Variants in UBE2V2 observed in about 807,000 individuals in gnomAD.
UBE2V2 encodes the protein ubiquitin-conjugating enzyme E2 variant 2.
A neutral mutation model predicts 17.2 loss-of-function variants in UBE2V2; 9 were observed. That is an observed-to-expected ratio of 0.52 (90% CI 0.32 to 0.91). The LOEUF is 0.91. UBE2V2 is among the 40% of genes least tolerant of loss of function. UBE2V2 has a pLI of 0.04. For missense variants in UBE2V2, 133 were observed against 182.6 expected (o/e 0.73, Z 1.56); for synonymous variants, 61 against 57.5 (o/e 1.06, Z -0.28).
At chr8:48,034,936 C>T in intron 1 of UBE2V2, 1 of 834,224 alleles carries the variant, frequency 1.2e-6, no homozygotes, top group Non-Finnish European at 1.4e-6. Context: ...CTCCCCCTCC[C>T]TGCAGCCTCT....
At chr8:48,008,923 A>G (rs1030064229) in intron 1 of UBE2V2, among the ~76,000 whole-genome samples, 1 of 152,122 alleles carries the variant, frequency 6.6e-6, no homozygotes, top group East Asian at 1.9e-4. Context: ...TCTCCTTGAC[A>G]TGGGTTGGGG....
At chr8:47,998,206 CA>C in the UBE2V2 span, among the ~76,000 whole-genome samples, 1 of 151,924 alleles carries the variant, frequency 6.6e-6, no homozygotes, top group African/African-American at 2.4e-5. Flanking sequence ...CCTTTTAGGG[CA>C]GATTTCTGAA....
At chr8:47,999,055 T>C in the UBE2V2 span, among the ~76,000 whole-genome samples, 1 of 152,068 alleles carries the variant, frequency 6.6e-6, no homozygotes, top group Non-Finnish European at 1.5e-5. Context: ...GTCTGAGTGG[T>C]TTGTAATTGG....
upstream of UBE2V2, chr8:48,008,298 C>G (rs886288783): frequency 8.6e-6 from 8 of 933,902 alleles, no homozygotes; most frequent in African/African-American, 5.3e-5. Context: ...AGCGAGGCCC[C>G]GCGACCCCTC....
Position 48,043,453 on chromosome 8 carries a change from T to C in UBE2V2, c.165+272T>C, listed in dbSNP as rs550902649. On this transcript the variant is annotated intron_variant, in intron 2 of 3. Transcript: ENST00000523111. ...CAGTACAAATGACAGATTCTAAATA[T>C]GACAGAGCAAGTTCACTACGGGACT... The C allele has an allele frequency of 2.5e-4, 60 of 236,332 alleles. 2 individuals are homozygous for C. In the South Asian group the frequency reaches 7.7e-3, roughly 30 times the overall value. 14.6% of individuals were successfully genotyped at this position (236,332 alleles called of 1,614,324 possible).
chr8:48,018,878 C>T (rs777764152), intron 1 of UBE2V2, among the ~76,000 whole-genome samples: 1 of 152,086 alleles, frequency 6.6e-6, no homozygotes, highest in South Asian at 2.1e-4. Context: ...AAATTGACCC[C>T]TTTGTTATTA....
In UBE2V2 at chr8:48,062,366, C is replaced by G. The variant is rs1468389635; in HGVS notation, c.*1538C>G. 3.3e-5 allele frequency: 5 copies of G among 152,014 alleles called. No individual in the cohort carries two copies. The highest frequency in any genetic ancestry group is 7.4e-5 in the Non-Finnish European group (5 of 68,024). 9.4% of individuals were successfully genotyped at this position (152,014 alleles called of 1,614,324 possible). On this transcript the variant is annotated 3_prime_UTR_variant, in exon 4 of 4. Transcript: ENST00000523111. ...CAGCACTTTGGGAGGCTGAGACGGG[C>G]AGATCACTTGAGGTCAGGAGCTTGA...
At chr8:48,032,046 T>C (rs1034274323) in intron 1 of UBE2V2, among the ~76,000 whole-genome samples, 1 of 152,202 alleles carries the variant, frequency 6.6e-6, no homozygotes, top group Non-Finnish European at 1.5e-5. Flanking sequence ...AGTGTTTAAA[T>C]TTTTTAAAAT....
chr8:48,025,687 C>T (rs1251075161), intron 1 of UBE2V2, among the ~76,000 whole-genome samples: 6 of 151,842 alleles, frequency 4.0e-5, no homozygotes, highest in Admixed American at 3.3e-4. Context: ...GCAAGCTCCG[C>T]CTCCTGGGTT....
intron 1 of UBE2V2, chr8:48,041,722 A>G (rs1043641184): frequency 3.9e-5 from 6 of 152,196 alleles, no homozygotes; most frequent in Admixed American, 6.5e-5. Flanking sequence ...GAAATCAAGT[A>G]CAAATTTTGA....
intron 1 of UBE2V2, 72 bp from the exon 2 acceptor site, chr8:48,042,961 A>T: frequency 7.6e-7 from 1 of 1,317,956 alleles, no homozygotes. Flanking sequence ...ATTTGGAAAA[A>T]GCTGAATTTA....
intron 3 of UBE2V2, among the ~76,000 whole-genome samples, chr8:48,052,793 G>A (rs1304421653): frequency 6.6e-6 from 1 of 152,218 alleles, no homozygotes; most frequent in African/African-American, 2.4e-5. Context: ...AGTGCTCAAG[G>A]TGCACACTGG....
chr8:48,020,046 CTT>C (rs777644132), intron 1 of UBE2V2, among the ~76,000 whole-genome samples: 64 of 142,290 alleles, frequency 4.5e-4, no homozygotes, highest in Non-Finnish European at 4.2e-4. Flanking sequence ...CTCTGTCTCT[CTT>C]TTTTTTTTTT....
chr8:48,049,769 C>A, intron 2 of UBE2V2, 84 bp from the exon 3 acceptor site: 1 of 1,258,084 alleles, frequency 7.9e-7, no homozygotes, highest in Non-Finnish European at 1.1e-6. Context: ...TCATATTGTA[C>A]TTTCCCTTTT....
At chr8:48,027,009 G>A (rs1433660299) in intron 1 of UBE2V2, among the ~76,000 whole-genome samples, 1 of 152,092 alleles carries the variant, frequency 6.6e-6, no homozygotes, top group Non-Finnish European at 1.5e-5. Context: ...TTTCGAGACG[G>A]AGTCTCGCTC....
chr8:48,049,276 T>G (rs1359055801), intron 2 of UBE2V2, among the ~76,000 whole-genome samples: 1 of 152,152 alleles, frequency 6.6e-6, no homozygotes, highest in Non-Finnish European at 1.5e-5. Flanking sequence ...TAGTATAATA[T>G]GGGGTTTTCT....
chr8:48,024,832 C>T (rs996821209), intron 1 of UBE2V2, among the ~76,000 whole-genome samples: 5 of 151,762 alleles, frequency 3.3e-5, no homozygotes, highest in African/African-American at 9.7e-5. Context: ...TTAGAAAAAG[C>T]GATTTCAGTG....
chr8:48,000,821 CAAAAAAAAAAAA>C, the UBE2V2 span, among the ~76,000 whole-genome samples: 13 of 20,488 alleles, frequency 6.3e-4, no homozygotes, highest in Non-Finnish European at 8.7e-4. Flanking sequence ...GACTTTGCCT[CAAAAAAAAAAAA>C]AAAAAAAAAA....
chr8:48,008,178 T>C (rs1411908548), upstream of UBE2V2, among the ~76,000 whole-genome samples: 1 of 152,168 alleles, frequency 6.6e-6, no homozygotes, highest in Non-Finnish European at 1.5e-5. Flanking sequence ...CGCCTCGGCC[T>C]CCCAAAGTGC....
Sources: allele counts gnomAD v4.1 joint callset (sites outside exome capture counted in the v4.1 genomes callset), GRCh38; gene constraint gnomAD v4.1.1; transcripts MANE v1.5; gene names NCBI Gene and HGNC (gene_info 2026-07-23, HGNC 2026-07-21).